SCD5: variants seen among roughly 807,000 people sequenced by gnomAD.
The protein encoded by SCD5 is acyl-CoA-desaturase 4.
In SCD5, 20 loss-of-function variants were observed where a neutral mutation model predicts 30.4. That is an observed-to-expected ratio of 0.66 (90% CI 0.46 to 0.96). The LOEUF (loss-of-function observed/expected upper bound fraction) is 0.96. Among genes scored for constraint, SCD5 ranks in the 40% least tolerant of loss-of-function variants. The pLI is 0.00. For synonymous variants in SCD5, 173 were observed against 176.4 expected (o/e 0.98, Z 0.16); for missense variants, 381 against 443.3 (o/e 0.86, Z 1.26).
chr4:82,631,344 C>T lies in SCD5; in HGVS notation c.976G>A (p.Gly326Arg), dbSNP rs1391775754. 1 of 1,613,852 alleles carries T rather than the reference C, an allele frequency of 6.2e-7. No homozygotes were observed. Among genetic ancestry groups the T allele is most frequent in the African/African-American group, 1.3e-5 (1 of 74,898 alleles). Residue 326 changes from glycine (G) to arginine (R), a missense_variant, in exon 5 of 5, where the codon GGA (glycine) becomes AGA (arginine). Coordinates refer to ENST00000319540, the MANE Select transcript of SCD5 (RefSeq NM_001037582.3). ...TTCCAAGTTCAAGCACTGCTGTCTC[C>T]AGTCCTGGCCTTCCGGGCCTCGATC... is the stretch of plus-strand genomic sequence containing the variant. ...PMIEARKART[G>R]DSSA
intron 1 of SCD5, among the ~76,000 whole-genome samples, chr4:82,710,931 C>T (rs1720070862): frequency 6.6e-6 from 1 of 152,076 alleles, no homozygotes. Flanking sequence ...ATATGTAGTG[C>T]TCAGCAATAC....
At position 82,636,842 on chromosome 4, in the gene SCD5, T is replaced by C. The variant is rs562526571; in HGVS notation, c.570-19A>G. On this transcript the variant is annotated intron_variant, in intron 3 of 4. Transcript: ENST00000319540. ...ATAGTACCTACAGGGCAAGACACCA[T>C]ATCACCATGAGGACCCGCTGATGGG... is the stretch of plus-strand genomic sequence containing the variant. 45 of 1,586,542 alleles carry C rather than the reference T, an allele frequency of 2.8e-5. No homozygotes were observed. The South Asian group carries it at 4.8e-4, about 17-fold the overall frequency.
intron 1 of SCD5, among the ~76,000 whole-genome samples, chr4:82,797,469 G>T (rs768548243): frequency 4.0e-5 from 6 of 151,030 alleles, no homozygotes; most frequent in South Asian, 2.1e-4. Flanking sequence ...CTGGGGCCCA[G>T]GGGAAGGGGA....
At chr4:82,737,759 C>A (rs1458257191) in intron 1 of SCD5, among the ~76,000 whole-genome samples, 2 of 152,082 alleles carry the variant, frequency 1.3e-5, no homozygotes, top group Non-Finnish European at 2.9e-5. Context: ...AGTTTCATGT[C>A]GTGATCTGAA....
At chr4:82,784,817 C>A (rs1473495564) in intron 1 of SCD5, among the ~76,000 whole-genome samples, 1 of 152,180 alleles carries the variant, frequency 6.6e-6, no homozygotes, top group East Asian at 1.9e-4. Context: ...ACCCACAGGG[C>A]ACCAGCTAAT....
chr4:82,648,413 G>GA (rs1263350893), intron 3 of SCD5, among the ~76,000 whole-genome samples: 9 of 152,324 alleles, frequency 5.9e-5, no homozygotes, highest in African/African-American at 2.2e-4. Context: ...TGCACAGAGA[G>GA]GTGCTCAGAG....
rs1353739181 is a variant in SCD5, at chr4:82,712,275, T to TAC, written c.233-6863_233-6862insGT. On this transcript the variant is annotated intron_variant, in intron 1 of 4. Transcript: ENST00000319540. Reference sequence around the variant, plus strand: ...ATATATATATATATATATATATATATATATATATATATATATATATATTTT... The same window carrying TAC: ...ATATATATATATATATATATATATATACATATATATATATATATATATATTTT... 5.1e-4 allele frequency among the ~76,000 whole-genome samples: 26 copies of TAC among 50,580 alleles called. 1 individual carries two copies. Among genetic ancestry groups the TAC allele is most frequent in the Non-Finnish European group, 6.4e-4 (19 of 29,740 alleles). The allele number at this position is 50,580 out of a possible 152,430, so 33.2% of individuals were successfully genotyped here.
At chr4:82,712,747 A>ATG (rs1016836957) in intron 1 of SCD5, among the ~76,000 whole-genome samples, 1 of 152,130 alleles carries the variant, frequency 6.6e-6, no homozygotes, top group Non-Finnish European at 1.5e-5. Flanking sequence ...GCATGCGCAC[A>ATG]TGTGTGTGTG....
chr4:82,753,514 G>C, intron 1 of SCD5: 1 of 449,794 alleles, frequency 2.2e-6, no homozygotes, highest in South Asian at 1.6e-5. Context: ...TGCCAGGAGT[G>C]TGGCTCTTTG....
At chr4:82,773,020 A>G (rs1421475280) in intron 1 of SCD5, among the ~76,000 whole-genome samples, 1 of 152,326 alleles carries the variant, frequency 6.6e-6, no homozygotes, top group East Asian at 1.9e-4. Context: ...TTCAGATCTC[A>G]TAGAACTGCA....
intron 1 of SCD5, among the ~76,000 whole-genome samples, chr4:82,777,228 T>C (rs1721761960): frequency 6.6e-6 from 1 of 152,252 alleles, no homozygotes; most frequent in Non-Finnish European, 1.5e-5. Flanking sequence ...TCTAAGTTAC[T>C]TGTCTGAGGT....
intron 2 of SCD5, among the ~76,000 whole-genome samples, chr4:82,688,568 T>C (rs1728761533): frequency 6.6e-6 from 1 of 152,176 alleles, no homozygotes; most frequent in Admixed American, 6.5e-5. Context: ...CTCCAGATAA[T>C]AGGCTAATCT....
At chr4:82,676,117 C>T (rs554579628) in intron 3 of SCD5, among the ~76,000 whole-genome samples, 3 of 152,196 alleles carry the variant, frequency 2.0e-5, no homozygotes, top group African/African-American at 4.8e-5. Context: ...TCCCTGATTC[C>T]CCTTCTGGTT....
intron 1 of SCD5, among the ~76,000 whole-genome samples, chr4:82,754,713 GA>G (rs1207942023): frequency 1.3e-5 from 2 of 152,250 alleles, no homozygotes; most frequent in Non-Finnish European, 2.9e-5. Flanking sequence ...TAAGCTCCAA[GA>G]AGCAATTTAG....
chr4:82,648,294 G>A (rs529755094), intron 3 of SCD5, among the ~76,000 whole-genome samples: 1 of 152,360 alleles, frequency 6.6e-6, no homozygotes, highest in East Asian at 1.9e-4. Flanking sequence ...CCTGGAGGCT[G>A]AGAGGTGTCT....
chr4:82,787,521 C>G (rs115534728), intron 1 of SCD5, among the ~76,000 whole-genome samples: 1 of 152,178 alleles, frequency 6.6e-6, no homozygotes, highest in African/African-American at 2.4e-5. Context: ...CCGCTTCCTT[C>G]GAGCCAGAGC....
intron 3 of SCD5, among the ~76,000 whole-genome samples, chr4:82,645,276 TGCACTCCAGC>T (rs2148813502): frequency 6.7e-6 from 1 of 148,248 alleles, no homozygotes; most frequent in Admixed American, 6.8e-5. Flanking sequence ...ATTGTGCCAC[TGCACTCCAGC>T]CTGGGTGACA....
rs1560524988 is a variant in SCD5 at position 82,653,715 on chromosome 4, G to GATAGAT, written c.570-16898_570-16893dup. On this transcript the variant is annotated intron_variant, in intron 3 of 4. Coordinates refer to ENST00000319540, the MANE Select transcript of SCD5 (RefSeq NM_001037582.3). Reference sequence around the variant, plus strand: ...ATAGATAGATAGATAGATATAGATAGATAGATAGATATAGATAGATAGGCT... The same window carrying GATAGAT: ...ATAGATAGATAGATAGATATAGATAGATAGATATAGATAGATATAGATAGATAGGCT... Among the ~76,000 whole-genome samples the GATAGAT allele has an allele frequency of 1.5e-3, 224 of 151,792 alleles. 2 individuals carry two copies. In the South Asian group the frequency reaches 0.019, roughly 13 times the overall value.
intron 1 of SCD5, among the ~76,000 whole-genome samples, chr4:82,771,875 G>C (rs1721629964): frequency 6.6e-6 from 1 of 152,174 alleles, no homozygotes. Flanking sequence ...CACATCTTGT[G>C]AACAGTCCCT....
Sources: gnomAD v4.1 joint callset for allele counts (sites outside exome capture counted in the v4.1 genomes callset) on GRCh38, gnomAD v4.1.1 for gene constraint, MANE v1.5 for transcripts, NCBI Gene and HGNC (gene_info 2026-07-23, HGNC 2026-07-21) for gene names.